Variants in PTPRT observed in about 807,000 individuals in gnomAD.
PTPRT encodes the protein protein tyrosine phosphatase receptor type T.
Under a neutral mutation model 176.8 loss-of-function variants are expected in PTPRT, and 56 were observed. That is an observed-to-expected ratio of 0.32 (90% confidence interval 0.26 to 0.40). The LOEUF is 0.40. PTPRT is among the 10% of genes least tolerant of loss of function. The pLI, the probability that PTPRT is intolerant of heterozygous loss-of-function variation, is 1.00. For synonymous variants in PTPRT, 783 were observed against 739.0 expected, an observed-to-expected ratio of 1.06 and a Z score of -0.96; for missense variants, 1,540 against 1,908.2, an observed-to-expected ratio of 0.81 and a Z score of 3.60.
rs568376888 is a variant in PTPRT, at chr20:42,636,838, G to A, written c.1153+41028C>T. The stretch of plus-strand genomic sequence containing the variant: ...TTAAAATAAAATGGAGATGAAGGAT[G>A]GAAGTGATGGTGAGATGTGCAAGTT... On this transcript the variant is annotated intron_variant, in intron 7 of 30. Transcript: ENST00000373187. Among the ~76,000 whole-genome samples, 364 of 152,136 alleles carry A rather than the reference G, an allele frequency of 2.4e-3. 3 individuals carry two copies. The highest frequency in any genetic ancestry group is 0.01 in the Middle Eastern group (3 of 294).
rs1981219333 is a variant in PTPRT, at chr20:42,951,198, A to AATAC, written c.89-65270_89-65267dup. On this transcript the variant is annotated intron_variant, in intron 1 of 30. Transcript: ENST00000373187. ...TGGATGGGTAAACAGGAGATGGATG[A>AATAC]ATACATGGGTAGATGGATGGGTGGG... Among the ~76,000 whole-genome samples the AATAC allele has an allele frequency of 3.9e-5, 6 of 152,224 alleles. No homozygotes were observed. In the South Asian group the frequency reaches 1.2e-3, roughly 32 times the overall value.
At chr20:42,175,627 A>C (rs142871023) in intron 16 of PTPRT, among the ~76,000 whole-genome samples, 1 of 152,114 alleles carries the variant, frequency 6.6e-6, no homozygotes, top group Non-Finnish European at 1.5e-5. Context: ...TGTTGAACTC[A>C]TAAAATGGAA....
chr20:43,030,389 G>A (rs1184948663), intron 1 of PTPRT, among the ~76,000 whole-genome samples: 1 of 152,096 alleles, frequency 6.6e-6, no homozygotes, highest in African/African-American at 2.4e-5. Context: ...AAATAAGGTT[G>A]ATTGAATGAC....
chr20:42,110,367 G>C lies in PTPRT; in HGVS notation c.3220C>G (p.Pro1074Ala), dbSNP rs761497190. The C allele has an allele frequency of 3.7e-6, 6 of 1,612,712 alleles. No homozygotes were observed. The highest frequency in any genetic ancestry group is 5.1e-6 in the Non-Finnish European group (6 of 1,178,952). Residue 1074 changes from proline (P) to alanine (A), a missense_variant, in exon 23 of 31, where the codon CCC becomes GCC. By Grantham distance (27) the Pro-to-Ala change is conservative. Around this residue, in one of 11 missense-constraint regions of PTPRT, gnomAD observed 248 missense variants for 356.7 expected, o/e 0.70. Coordinates refer to ENST00000373187, the MANE Select transcript of PTPRT (RefSeq NM_007050.6). Reference sequence around the variant, plus strand: ...ACCACTATGGGCCCAGCTTCCGGGGGGTTGAGGAACTTGACCTGGCGGACG... The same window carrying C: ...ACCACTATGGGCCCAGCTTCCGGGGCGTTGAGGAACTTGACCTGGCGGACG... ...GFVRQVKFLNPPEAGPIVVHC... is the reference protein window; with the variant it reads ...GFVRQVKFLNAPEAGPIVVHC...
chr20:42,412,160 C>A (rs768743968), intron 9 of PTPRT, among the ~76,000 whole-genome samples: 2 of 152,098 alleles, frequency 1.3e-5, no homozygotes, highest in African/African-American at 4.8e-5. Flanking sequence ...ACAAAACACA[C>A]AAATGTGATA....
At position 43,042,719 on chromosome 20, in the gene PTPRT, G is replaced by GCCATCTCTCCTCCCACCCA. The variant is rs1166876786; in HGVS notation, c.88+146908_88+146926dup. On this transcript the variant is annotated intron_variant, in intron 1 of 30. Coordinates refer to ENST00000373187, the MANE Select transcript of PTPRT (RefSeq NM_007050.6). ...CATTCTTCCACCCACCCTCCCACCC[G>GCCATCTCTCCTCCCACCCA]CCATCTCTCCTCCCACCCACCATCT... 3.0e-3 allele frequency among the ~76,000 whole-genome samples: 61 copies of GCCATCTCTCCTCCCACCCA among 20,592 alleles called. No homozygotes were observed. In the East Asian group the frequency reaches 0.046, roughly 15 times the overall value. The allele number at this position is 20,592 out of a possible 152,430, so 13.5% of individuals were successfully genotyped here. A position where few individuals can be genotyped will look rare whatever the true frequency, so the allele number is the denominator to read the frequency against.
At chr20:42,578,945 A>T (rs1490034047) in intron 7 of PTPRT, among the ~76,000 whole-genome samples, 2 of 147,654 alleles carry the variant, frequency 1.4e-5, no homozygotes, top group Non-Finnish European at 2.9e-5. Context: ...TTTAGGGTAC[A>T]TGTGCACAAT....
chr20:42,166,289 C>T (rs1016218152), intron 16 of PTPRT, among the ~76,000 whole-genome samples: 2 of 152,238 alleles, frequency 1.3e-5, no homozygotes, highest in South Asian at 2.1e-4. Context: ...GAACCTTACA[C>T]ATTGACACCA....
At chr20:42,952,500 C>A (rs974736380) in intron 1 of PTPRT, among the ~76,000 whole-genome samples, 1 of 152,196 alleles carries the variant, frequency 6.6e-6, no homozygotes, top group Non-Finnish European at 1.5e-5. Context: ...CTTACTAGCT[C>A]CATTACCCTA....
chr20:42,163,343 GATTTAT>G (rs1568633762), intron 16 of PTPRT, among the ~76,000 whole-genome samples: 1 of 152,198 alleles, frequency 6.6e-6, no homozygotes, highest in Non-Finnish European at 1.5e-5. Context: ...CTAAGATTTA[GATTTAT>G]GCACAAGAAA....
chr20:42,839,061 G>T (rs2078231536), intron 2 of PTPRT, among the ~76,000 whole-genome samples: 1 of 152,114 alleles, frequency 6.6e-6, no homozygotes, highest in African/African-American at 2.4e-5. Flanking sequence ...AGAGGCCAGG[G>T]CTCAATATGA....
At chr20:43,035,588 T>C (rs1039611428) in intron 1 of PTPRT, among the ~76,000 whole-genome samples, 8 of 152,352 alleles carry the variant, frequency 5.3e-5, no homozygotes, top group Non-Finnish European at 1.2e-4. Flanking sequence ...CTTTCAACAC[T>C]GTGGGTATTT....
At chr20:42,119,431 T>C (rs1194636699) in intron 20 of PTPRT, among the ~76,000 whole-genome samples, 4 of 152,222 alleles carry the variant, frequency 2.6e-5, no homozygotes, top group African/African-American at 9.6e-5. Context: ...TGTCTATATA[T>C]ATAATTATCT....
chr20:42,823,626 G>A (rs1014555043), intron 2 of PTPRT, among the ~76,000 whole-genome samples: 9 of 151,826 alleles, frequency 5.9e-5, no homozygotes, highest in Admixed American at 1.3e-4. Context: ...GAATAACAGC[G>A]CCCATCTGAA....
At chr20:42,054,677 T>G in the PTPRT span, among the ~76,000 whole-genome samples, 1 of 152,156 alleles carries the variant, frequency 6.6e-6, no homozygotes, top group Non-Finnish European at 1.5e-5. Context: ...CTACCTTCCA[T>G]TCCAGCTCCC....
At chr20:42,849,550 T>G (rs1397848) in intron 2 of PTPRT, among the ~76,000 whole-genome samples, 3 of 152,128 alleles carry the variant, frequency 2.0e-5, no homozygotes, top group Non-Finnish European at 4.4e-5. Context: ...CCAAAACCCA[T>G]AGAGGTTCAT....
intron 27 of PTPRT, among the ~76,000 whole-genome samples, chr20:42,096,954 G>T (rs1197340811): frequency 6.6e-6 from 1 of 152,022 alleles, no homozygotes; most frequent in Non-Finnish European, 1.5e-5. Context: ...TTCCTGCACA[G>T]AAAGTATTTC....
At chr20:42,134,628 T>C (rs1988284541) in intron 18 of PTPRT, among the ~76,000 whole-genome samples, 1 of 152,148 alleles carries the variant, frequency 6.6e-6, no homozygotes, top group Non-Finnish European at 1.5e-5. Context: ...ACTAGTATGC[T>C]GGTAAATGTT....
chr20:42,585,076 A>G (rs1319119623), intron 7 of PTPRT, among the ~76,000 whole-genome samples: 1 of 152,170 alleles, frequency 6.6e-6, no homozygotes, highest in Non-Finnish European at 1.5e-5. Flanking sequence ...CTACGTGGAT[A>G]CATGGAAAAA....
Sources: gnomAD v4.1 joint callset for allele counts (sites outside exome capture counted in the v4.1 genomes callset) on GRCh38, gnomAD v4.1.1 for gene constraint, gnomAD v4.1.1 regional missense constraint, MANE v1.5 for transcripts, NCBI Gene and HGNC (gene_info 2026-07-23, HGNC 2026-07-21) for gene names.